LGR4: variants seen among roughly 807,000 people sequenced by gnomAD.
The protein encoded by LGR4 is leucine rich repeat containing G protein-coupled receptor 4, also known as leucine-rich repeat-containing G protein-coupled receptor 4.
LGR4 carries 44 observed loss-of-function variants against 84.8 expected under a neutral mutation model. That is an observed-to-expected ratio of 0.52 (90% CI 0.41 to 0.67). The LOEUF (loss-of-function observed/expected upper bound fraction) is 0.67. LGR4 is among the 30% of genes least tolerant of loss of function. LGR4 has a pLI of 0.00. For missense variants in LGR4, 1,032 were observed against 1,131.4 expected (o/e 0.91, Z 1.26); for synonymous variants, 429 against 434.3 (o/e 0.99, Z 0.15).
intron 13 of LGR4, among the ~76,000 whole-genome samples, chr11:27,375,121 CAA>C (rs539252061): frequency 8.9e-5 from 11 of 123,782 alleles, no homozygotes; most frequent in Non-Finnish European, 8.7e-5. Context: ...CCATCTCTAC[CAA>C]AAAAAAAAAA....
At chr11:27,459,391 T>C (rs1208879576) in intron 1 of LGR4, among the ~76,000 whole-genome samples, 1 of 152,132 alleles carries the variant, frequency 6.6e-6, no homozygotes, top group Non-Finnish European at 1.5e-5. Context: ...TCATAAATCT[T>C]CTTATCCTTG....
chr11:27,462,263 A>G (rs1347296949), intron 1 of LGR4, among the ~76,000 whole-genome samples: 2 of 152,050 alleles, frequency 1.3e-5, no homozygotes, highest in Non-Finnish European at 2.9e-5. Flanking sequence ...CTGAAGAGAA[A>G]CCCTGCGTTC....
chr11:27,402,316 T>C (rs1565080477), intron 2 of LGR4, among the ~76,000 whole-genome samples: 1 of 152,160 alleles, frequency 6.6e-6, no homozygotes, highest in Non-Finnish European at 1.5e-5. Context: ...ATTAGAAGGA[T>C]GACCCTTTTC....
At chr11:27,447,426 T>C (rs61887841) in intron 1 of LGR4, among the ~76,000 whole-genome samples, 2 of 152,038 alleles carry the variant, frequency 1.3e-5, no homozygotes, top group African/African-American at 4.8e-5. Flanking sequence ...ACCAGTGCCA[T>C]GACAGTTTAC....
chr11:27,462,990 TG>T (rs1864709196), intron 1 of LGR4, among the ~76,000 whole-genome samples: 1 of 140,874 alleles, frequency 7.1e-6, no homozygotes, highest in Non-Finnish European at 1.5e-5. Context: ...CCCAGCATTT[TG>T]GGAGGCCAAG....
chr11:27,429,056 A>T (rs1169754423), intron 1 of LGR4, among the ~76,000 whole-genome samples: 2 of 152,230 alleles, frequency 1.3e-5, no homozygotes, highest in African/African-American at 4.8e-5. Context: ...GAAATGCCAA[A>T]GAGGAGGTAA....
intron 1 of LGR4, among the ~76,000 whole-genome samples, chr11:27,467,448 A>T (rs1485160022): frequency 6.6e-6 from 1 of 151,806 alleles, no homozygotes; most frequent in Non-Finnish European, 1.5e-5. Context: ...GGTGCCTGTA[A>T]TCCCAGCCAC....
At chr11:27,418,872 T>C (rs1590378479) in intron 1 of LGR4, among the ~76,000 whole-genome samples, 1 of 150,992 alleles carries the variant, frequency 6.6e-6, no homozygotes, top group African/African-American at 2.5e-5. Flanking sequence ...CTCACTTTGT[T>C]GCCCCAGGCT....
Position 27,371,716 on chromosome 11 carries a change from A to C in LGR4, c.1496-18T>G, listed in dbSNP as rs1348653321. The C allele has an allele frequency of 2.5e-6, 4 of 1,577,026 alleles. No homozygotes were observed. The highest frequency in any genetic ancestry group is 8.7e-7 in the Non-Finnish European group (1 of 1,149,398). ...AGCAGTACCTGAACATATAACACAA[A>C]GCATGTTTAATTAAAACCTTATGCA... is the stretch of plus-strand genomic sequence containing the variant. On this transcript the variant is annotated intron_variant, in intron 16 of 17. Coordinates refer to ENST00000379214, the MANE Select transcript of LGR4 (RefSeq NM_018490.5).
In LGR4 at chr11:27,369,001, T is replaced by C. The variant is rs545742704; in HGVS notation, c.1722A>G (p.Lys574=). ...FASCTSLPSS[K]LFIGLISVSN... ...ACACAGAAATCAAGCCTATAAACAATTTGGACGAAGGCAGTGATGTACAAG... is the reference window on the plus strand; with the variant it reads ...ACACAGAAATCAAGCCTATAAACAACTTGGACGAAGGCAGTGATGTACAAG... The change falls in exon 18 of 18, where the codon AAA becomes AAG. Residue 574 remains lysine, a synonymous_variant. Coordinates refer to ENST00000379214, the MANE Select transcript of LGR4 (RefSeq NM_018490.5). 8.1e-6 allele frequency: 13 copies of C among 1,614,024 alleles called. No individual in the cohort carries two copies. Among genetic ancestry groups the C allele is most frequent in the Non-Finnish European group, 1.1e-5 (13 of 1,179,998 alleles).
rs1032196604 is a variant in LGR4 at position 27,424,713 on chromosome 11, C to A, written c.186-11853G>T. On this transcript the variant is annotated intron_variant, in intron 1 of 17. Transcript: ENST00000379214. The stretch of plus-strand genomic sequence containing the variant: ...TGCTCAGCTAAACTAGCAACCCGAC[C>A]TGATCATGTTTGTAATATTAAGATT... Among the ~76,000 whole-genome samples the A allele has an allele frequency of 8.5e-5, 13 of 152,242 alleles. No homozygotes were observed. The East Asian group carries it at 2.5e-3, about 29-fold the overall frequency.
chr11:27,435,869 T>C (rs1004445254), intron 1 of LGR4, among the ~76,000 whole-genome samples: 2 of 151,818 alleles, frequency 1.3e-5, no homozygotes, highest in African/African-American at 4.8e-5. Context: ...TCCTAAGAGG[T>C]AGGTTCTATC....
Position 27,370,489 on chromosome 11 carries a change from CT to C in LGR4, c.1579+1125del, listed in dbSNP as rs1361137838. Among the ~76,000 whole-genome samples the C allele has an allele frequency of 2.2e-4, 34 of 152,306 alleles. No homozygotes were observed. In the South Asian group the frequency reaches 6.0e-3, roughly 27 times the overall value. On this transcript the variant is annotated intron_variant, in intron 17 of 17. Transcript: ENST00000379214. ...CTCCACCGTCCCTGTCTTTGGAAGC[CT>C]GCTGCCTCCTCTGGTGCTAACAGAA...
chr11:27,389,302 C>A (rs1590354569), intron 4 of LGR4, among the ~76,000 whole-genome samples: 2 of 152,004 alleles, frequency 1.3e-5, no homozygotes, highest in South Asian at 2.1e-4. Flanking sequence ...ATGAAAACAT[C>A]CCAAAGCCTT....
chr11:27,450,892 A>G (rs545535049), intron 1 of LGR4, among the ~76,000 whole-genome samples: 34 of 152,266 alleles, frequency 2.2e-4, no homozygotes, highest in Admixed American at 1.2e-3. Context: ...TTCTTTGCCA[A>G]CTCTTCATAA....
At chr11:27,415,260 C>T (rs1427369476) in intron 1 of LGR4, among the ~76,000 whole-genome samples, 1 of 152,128 alleles carries the variant, frequency 6.6e-6, no homozygotes, top group Non-Finnish European at 1.5e-5. Context: ...CAAAATGAGG[C>T]ATTCTGTACA....
At chr11:27,443,375 A>G (rs1286594731) in intron 1 of LGR4, among the ~76,000 whole-genome samples, 3 of 152,164 alleles carry the variant, frequency 2.0e-5, no homozygotes, top group Non-Finnish European at 4.4e-5. Context: ...GTCTGAACTA[A>G]TGGGTAGGTG....
intron 1 of LGR4, among the ~76,000 whole-genome samples, chr11:27,420,323 A>T (rs1235950791): frequency 3.9e-5 from 6 of 152,104 alleles, no homozygotes; most frequent in African/African-American, 1.4e-4. Context: ...CAGTTTCTTC[A>T]TTATCTCTTT....
Position 27,414,618 on chromosome 11 carries a change from C to G in LGR4, c.186-1758G>C, listed in dbSNP as rs1234827876. Among the ~76,000 whole-genome samples the G allele has an allele frequency of 1.3e-4, 20 of 152,080 alleles. No individual in the cohort carries two copies. The South Asian group carries it at 4.1e-3, about 31-fold the overall frequency. ...AGAAAAGCCAAATTACTATGCTTCT[C>G]TAGGAATTACTATTTTAAAACCCAG... On this transcript the variant is annotated intron_variant, in intron 1 of 17. Transcript: ENST00000379214.
Sources: allele counts gnomAD v4.1 joint callset (sites outside exome capture counted in the v4.1 genomes callset), GRCh38; gene constraint gnomAD v4.1.1; transcripts MANE v1.5; gene names NCBI Gene and HGNC (gene_info 2026-07-23, HGNC 2026-07-21).